SLCO3A1: variants seen among roughly 807,000 people sequenced by gnomAD.
SLCO3A1 encodes the protein PGE1 transporter.
A neutral mutation model predicts 63.1 loss-of-function variants in SLCO3A1; 27 were observed. The observed-to-expected ratio is 0.43, with a 90% CI of 0.32 to 0.59. The LOEUF is 0.59. SLCO3A1 is among the 20% of genes least tolerant of loss of function. The pLI is 0.09. For synonymous variants in SLCO3A1, 473 were observed against 409.9 expected, an observed-to-expected ratio of 1.15 and a Z score of -1.86; for missense variants, 773 against 945.8, an observed-to-expected ratio of 0.82 and a Z score of 2.40.
chr15:92,025,140 G>A (rs1417024227), intron 2 of SLCO3A1, among the ~76,000 whole-genome samples: 1 of 148,656 alleles, frequency 6.7e-6, no homozygotes, highest in Non-Finnish European at 1.5e-5. Flanking sequence ...TAGCAGTTTA[G>A]TAGACGTTAT....
intron 1 of SLCO3A1, among the ~76,000 whole-genome samples, chr15:91,868,746 C>G (rs1028594821): frequency 6.6e-6 from 1 of 152,148 alleles, no homozygotes; most frequent in Non-Finnish European, 1.5e-5. Flanking sequence ...ATGAGAGAAT[C>G]CATCCAAAGT....
intron 2 of SLCO3A1, among the ~76,000 whole-genome samples, chr15:92,077,126 C>G (rs1007261253): frequency 6.6e-6 from 1 of 152,090 alleles, no homozygotes; most frequent in South Asian, 2.1e-4. Context: ...AACTCCCTAT[C>G]GTGAGAACAG....
At chr15:92,012,018 A>G (rs1425888034) in intron 2 of SLCO3A1, among the ~76,000 whole-genome samples, 1 of 152,354 alleles carries the variant, frequency 6.6e-6, no homozygotes, top group Middle Eastern at 3.4e-3. Context: ...ATGAGCGGGG[A>G]CTGAAGCCTC....
At chr15:92,159,953 G>A (rs1004812967) in intron 9 of SLCO3A1, among the ~76,000 whole-genome samples, 10 of 152,022 alleles carry the variant, frequency 6.6e-5, no homozygotes, top group African/African-American at 2.4e-4. Flanking sequence ...ATATGACCTG[G>A]TTTGCACCGA....
At chr15:91,990,567 A>G (rs2046113446) in intron 2 of SLCO3A1, among the ~76,000 whole-genome samples, 1 of 151,880 alleles carries the variant, frequency 6.6e-6, no homozygotes, top group South Asian at 2.1e-4. Context: ...CACTGTTCTT[A>G]ACCTCCAACT....
In SLCO3A1 at chr15:91,948,215, G is replaced by A. The variant is rs944959804; in HGVS notation, c.646+31757G>A. ...ATGCGGCTAATGAATGCCGACCTCC[G>A]GGAAGCTTTTTCCACTCCTGCTTGG... On this transcript the variant is annotated intron_variant, in intron 2 of 9. Transcript: ENST00000318445. The surrounding 1 kb of genome is among the most constrained non-coding windows in gnomAD (Gnocchi z 4.8). Among the ~76,000 whole-genome samples the A allele has an allele frequency of 3.3e-5, 5 of 152,278 alleles. No homozygotes were observed. Among genetic ancestry groups the A allele is most frequent in the African/African-American group, 4.8e-5 (2 of 41,550 alleles).
chr15:91,933,249 T>C (rs1899295939), intron 2 of SLCO3A1, among the ~76,000 whole-genome samples: 1 of 152,214 alleles, frequency 6.6e-6, no homozygotes, highest in African/African-American at 2.4e-5. Flanking sequence ...ATTTTGCTTT[T>C]GATTTTTATA....
chr15:92,020,561 T>G (rs1266955061), intron 2 of SLCO3A1, among the ~76,000 whole-genome samples: 1 of 152,238 alleles, frequency 6.6e-6, no homozygotes, highest in East Asian at 1.9e-4. Context: ...GTGGCCACTC[T>G]TGACTCCCAT....
chr15:91,899,850 T>A (rs181009791), intron 1 of SLCO3A1, among the ~76,000 whole-genome samples: 22 of 152,338 alleles, frequency 1.4e-4, no homozygotes, highest in African/African-American at 4.1e-4. Context: ...AACAGAATCA[T>A]GCAATATATA....
At chr15:92,010,632 A>T (rs927151264) in intron 2 of SLCO3A1, among the ~76,000 whole-genome samples, 4 of 152,164 alleles carry the variant, frequency 2.6e-5, no homozygotes, top group Non-Finnish European at 5.9e-5. Flanking sequence ...AACAAAATTC[A>T]TTTAAATTTT....
downstream of SLCO3A1, among the ~76,000 whole-genome samples, chr15:92,166,315 A>G (rs1391115042): frequency 1.3e-5 from 2 of 152,172 alleles, no homozygotes; most frequent in Non-Finnish European, 2.9e-5. Flanking sequence ...TGCTAGGAAC[A>G]CTTAACAGGC....
rs1336033090 is a variant in SLCO3A1, at chr15:91,862,700, C to T, written c.180+8612C>T. 6.6e-6 allele frequency among the ~76,000 whole-genome samples: 1 copy of T among 152,114 alleles called. No homozygotes were observed. Among genetic ancestry groups the T allele is most frequent in the Non-Finnish European group, 1.5e-5 (1 of 68,022 alleles). On this transcript the variant is annotated intron_variant, in intron 1 of 9. Coordinates refer to ENST00000318445, the MANE Select transcript of SLCO3A1 (RefSeq NM_013272.4). This position sits in a 1 kb window ranked among gnomAD's most constrained non-coding sequence, Gnocchi z 4.0. ...TGATGAGGCTTTTAACAAATAGTTC[C>T]GGAGAAAATAATAGAAGGCAAACTA...
chr15:91,936,639 A>G (rs929307398), intron 2 of SLCO3A1, among the ~76,000 whole-genome samples: 1 of 152,210 alleles, frequency 6.6e-6, no homozygotes, highest in Non-Finnish European at 1.5e-5. Context: ...GAATGTACAG[A>G]CTTCAGTGAG....
At chr15:92,099,171 A>T (rs2048945) in intron 3 of SLCO3A1, among the ~76,000 whole-genome samples, 55,848 of 152,166 alleles carry the variant, frequency 0.37, 10,491 homozygotes, top group Admixed American at 0.43. Flanking sequence ...TGCAGCTGGA[A>T]CAAGATGTGG....
At chr15:92,104,204 G>A in intron 3 of SLCO3A1, 75 bp from the exon 4 acceptor site, 1 of 1,540,532 alleles carries the variant, frequency 6.5e-7, no homozygotes, top group Non-Finnish European at 8.8e-7. Context: ...CTGTTCAGCG[G>A]ATTCAGATTC....
At chr15:92,015,474 C>T (rs972592398) in intron 2 of SLCO3A1, among the ~76,000 whole-genome samples, 31 of 152,046 alleles carry the variant, frequency 2.0e-4, no homozygotes, top group African/African-American at 7.0e-4. Context: ...CTCACTATCA[C>T]GAGAACAGCA....
chr15:91,874,303 G>A (rs575031298), intron 1 of SLCO3A1, among the ~76,000 whole-genome samples: 71 of 152,170 alleles, frequency 4.7e-4, no homozygotes, highest in Non-Finnish European at 8.2e-4. Context: ...CTGGATAAGC[G>A]GGGACTCCTA....
chr15:91,979,006 A>G (rs1310616218), intron 2 of SLCO3A1, among the ~76,000 whole-genome samples: 3 of 152,192 alleles, frequency 2.0e-5, no homozygotes, highest in Admixed American at 6.5e-5. Context: ...GCCATTCTCA[A>G]TTCTCTTCAC....
In SLCO3A1 at chr15:92,143,465, T is replaced by A. The variant is rs186286834; in HGVS notation, c.1513-3519T>A. On this transcript the variant is annotated intron_variant, in intron 7 of 9. Transcript: ENST00000318445. ...ATATATATATAATATATATAATATA[T>A]ATAAATATATATATATATTATATAT... 7.8e-5 allele frequency among the ~76,000 whole-genome samples: 2 copies of A among 25,734 alleles called. 1 individual carries two copies. The highest frequency in any genetic ancestry group is 5.0e-4 in the African/African-American group (2 of 4,020). The allele number at this position is 25,734 out of a possible 152,430, so 16.9% of individuals were successfully genotyped here.
Sources: allele counts gnomAD v4.1 joint callset (sites outside exome capture counted in the v4.1 genomes callset), GRCh38; gene constraint gnomAD v4.1.1; non-coding constraint Gnocchi (gnomAD v3.1); transcripts MANE v1.5; gene names NCBI Gene and HGNC (gene_info 2026-07-23, HGNC 2026-07-21).